Variants in CLTC observed in about 807,000 individuals in gnomAD.
CLTC encodes the protein clathrin heavy chain.
Under a neutral mutation model 195.8 loss-of-function variants are expected in CLTC, and 16 were observed. The ratio of observed to expected loss-of-function variants is 0.08; its 90% CI spans 0.06 to 0.12. The LOEUF (loss-of-function observed/expected upper bound fraction) is 0.12. Ranked by LOEUF, CLTC falls within the 10% of genes least tolerant of loss-of-function variation. The pLI is 1.00. For missense variants in CLTC, 796 were observed against 2,027.0 expected, an observed-to-expected ratio of 0.39 and a Z score of 11.66; for synonymous variants, 667 against 689.4, an observed-to-expected ratio of 0.97 and a Z score of 0.51.
intron 28 of CLTC, among the ~76,000 whole-genome samples, chr17:59,684,662 C>T (rs57592560): frequency 0.12 from 17,605 of 151,952 alleles, 1,664 homozygotes; most frequent in East Asian, 0.46. Context: ...AAAAATTAGC[C>T]GGTTGTGGTG....
intron 1 of CLTC, among the ~76,000 whole-genome samples, chr17:59,624,073 A>G (rs2031468070): frequency 6.6e-6 from 1 of 152,208 alleles, no homozygotes; most frequent in African/African-American, 2.4e-5. Flanking sequence ...AGTGGTGGTG[A>G]TGAACAATGA....
intron 1 of CLTC, among the ~76,000 whole-genome samples, chr17:59,632,621 C>A (rs541041677): frequency 6.6e-6 from 1 of 151,962 alleles, no homozygotes; most frequent in African/African-American, 2.4e-5. Context: ...CCAGCCTATG[C>A]GACAGAGCGA....
rs2032730566 is a variant in CLTC at position 59,666,299 on chromosome 17, G to A, written c.1782+59G>A. 7 of 1,587,476 alleles carry A rather than the reference G, an allele frequency of 4.4e-6. No individual in the cohort carries two copies. The highest frequency in any genetic ancestry group is 3.3e-5 in the South Asian group (3 of 89,650). On this transcript the variant is annotated intron_variant, in intron 11 of 31. Coordinates refer to ENST00000269122, the MANE Select transcript of CLTC (RefSeq NM_004859.4). This position sits in a 1 kb window ranked among gnomAD's most constrained non-coding sequence, Gnocchi z 4.9. ...AACATTGTTTTAGTAATTGTGCAGC[G>A]CCTCTCAGATTGTTATGCAAAGCTA... is the stretch of plus-strand genomic sequence containing the variant.
At position 59,696,866 on chromosome 17, in the gene CLTC, T is replaced by G. The variant is rs1464918617; in HGVS notation, c.*3014T>G. 1 of 200,664 alleles carries G rather than the reference T, an allele frequency of 5.0e-6. No homozygotes were observed. The highest frequency in any genetic ancestry group is 7.7e-5 in the East Asian group (1 of 12,980). 12.4% of individuals were successfully genotyped at this position (200,664 alleles called of 1,614,324 possible). A position where few individuals can be genotyped will look rare whatever the true frequency, so the allele number is the denominator to read the frequency against. On this transcript the variant is annotated 3_prime_UTR_variant, in exon 32 of 32. Coordinates refer to ENST00000269122, the MANE Select transcript of CLTC (RefSeq NM_004859.4). ...TGAGAAACTTTAATAGGCTGTGATT[T>G]AGAACCACTGCTGATTAACCTTTGG...
At position 59,666,453 on chromosome 17, in the gene CLTC, AAAC is replaced by A; in HGVS notation, c.1783-26_1783-24del. ...TACTCATGTAAGTGGAGTGGACAAT[AAAC>A]TTGCCTTGTTTGTGGTTTTACAGGT... On this transcript the variant is annotated intron_variant, in intron 11 of 31. Coordinates refer to ENST00000269122, the MANE Select transcript of CLTC (RefSeq NM_004859.4). This position sits in a 1 kb window ranked among gnomAD's most constrained non-coding sequence, Gnocchi z 4.9. 6.2e-7 allele frequency: 1 copy of A among 1,607,128 alleles called. No individual in the cohort carries two copies. Among genetic ancestry groups the A allele is most frequent in the South Asian group, 1.1e-5 (1 of 90,476 alleles).
chr17:59,669,698 CT>C (rs1334451138), intron 14 of CLTC, among the ~76,000 whole-genome samples: 4 of 144,784 alleles, frequency 2.8e-5, no homozygotes, highest in African/African-American at 1.0e-4. Context: ...TGCTCTCTCA[CT>C]GCCTATTATG....
chr17:59,629,249 A>G (rs1296295495), intron 1 of CLTC, among the ~76,000 whole-genome samples: 6 of 152,292 alleles, frequency 3.9e-5, no homozygotes, highest in Non-Finnish European at 8.8e-5. Context: ...TACCACAGAT[A>G]TCCTCAGGAA....
At chr17:59,692,171 G>A (rs149461100) in intron 31 of CLTC, among the ~76,000 whole-genome samples, 3,077 of 152,250 alleles carry the variant, frequency 0.02, 48 homozygotes, top group Non-Finnish European at 0.031. Flanking sequence ...ACAAAAATTG[G>A]CTGGGCATGG....
intron 2 of CLTC, among the ~76,000 whole-genome samples, chr17:59,647,006 A>T (rs2032212678): frequency 6.6e-6 from 1 of 152,228 alleles, no homozygotes; most frequent in Non-Finnish European, 1.5e-5. Context: ...TGTGTTTGTT[A>T]TCAGAGTTGC....
chr17:59,690,271 G>A (rs928536226), intron 30 of CLTC: 1 of 172,886 alleles, frequency 5.8e-6, no homozygotes, highest in African/African-American at 2.4e-5. Context: ...GCTTTGGGGA[G>A]GGAAGTATTG....
rs1437824216 is a variant in CLTC at position 59,695,602 on chromosome 17, T to C, written c.*1750T>C. ...ATCACTTGAACCTGTGAGGCAAAGG[T>C]TGTAGTGAGCCAAGATCACGTCACT... On this transcript the variant is annotated 3_prime_UTR_variant, in exon 32 of 32. Transcript: ENST00000269122. 5.6e-6 allele frequency: 1 copy of C among 179,958 alleles called. No homozygotes were observed. The highest frequency in any genetic ancestry group is 1.2e-5 in the Non-Finnish European group (1 of 84,212). 11.1% of individuals were successfully genotyped at this position (179,958 alleles called of 1,614,324 possible).
chr17:59,679,353 C>T (rs531002180), intron 17 of CLTC, 44 bp from the exon 18 acceptor site: 1 of 1,505,788 alleles, frequency 6.6e-7, no homozygotes, highest in East Asian at 2.3e-5. Context: ...TATAAAAAGT[C>T]CTTTACTTTT....
rs2033429028 is a variant in CLTC, at chr17:59,696,524, T to TGAAAGA, written c.*2672_*2673insGAAAGA. 1.6e-5 allele frequency: 1 copy of TGAAAGA among 62,738 alleles called. No homozygotes were observed. Among genetic ancestry groups the TGAAAGA allele is most frequent in the Non-Finnish European group, 2.8e-5 (1 of 35,482 alleles). 3.9% of individuals were successfully genotyped at this position (62,738 alleles called of 1,614,324 possible). On this transcript the variant is annotated 3_prime_UTR_variant, in exon 32 of 32. Transcript: ENST00000269122. ...TGTCAGTATCCTCCTAAAAGAAGGC[T>TGAAAGA]TAAATAGTTTCTAACAAGATGACTA...
chr17:59,631,532 A>G (rs1404088153), intron 1 of CLTC, among the ~76,000 whole-genome samples: 3 of 152,264 alleles, frequency 2.0e-5, no homozygotes, highest in Non-Finnish European at 4.4e-5. Flanking sequence ...TAAAAGGAAC[A>G]GAAAGACCTA....
At chr17:59,654,974 C>A (rs2032429278) in intron 5 of CLTC, among the ~76,000 whole-genome samples, 1 of 152,184 alleles carries the variant, frequency 6.6e-6, no homozygotes, top group Non-Finnish European at 1.5e-5. Flanking sequence ...GCCACTGCAC[C>A]AGTGCACTTT....
intron 5 of CLTC, among the ~76,000 whole-genome samples, chr17:59,654,483 T>C (rs2032414299): frequency 6.7e-6 from 1 of 149,454 alleles, no homozygotes; most frequent in African/African-American, 2.5e-5. Context: ...CAGCTGTGTA[T>C]AACATTTTTC....
At chr17:59,662,602 G>A (rs1014493332) in intron 8 of CLTC, among the ~76,000 whole-genome samples, 3 of 152,146 alleles carry the variant, frequency 2.0e-5, no homozygotes, top group African/African-American at 2.4e-5. Context: ...TTCTTTCAGC[G>A]TTAGTATATG....
chr17:59,632,422 T>C (rs2031750783), intron 1 of CLTC, among the ~76,000 whole-genome samples: 1 of 151,908 alleles, frequency 6.6e-6, no homozygotes, highest in Non-Finnish European at 1.5e-5. Context: ...GGAAGCTCTT[T>C]TCAATGAAAG....
At chr17:59,637,104 ATAT>A (rs1367880353) in intron 1 of CLTC, among the ~76,000 whole-genome samples, 1 of 151,694 alleles carries the variant, frequency 6.6e-6, no homozygotes, top group African/African-American at 2.4e-5. Context: ...TATAATCATA[ATAT>A]TATTTATAGC....
Sources: allele counts gnomAD v4.1 joint callset (sites outside exome capture counted in the v4.1 genomes callset), GRCh38; gene constraint gnomAD v4.1.1; non-coding constraint Gnocchi (gnomAD v3.1); transcripts MANE v1.5; gene names NCBI Gene and HGNC (gene_info 2026-07-23, HGNC 2026-07-21).